The following DLGAP1 variants were observed in gnomAD, a reference collection of about 807,000 sequenced individuals.
The protein encoded by DLGAP1 is disks large-associated protein 1.
DLGAP1 carries 11 observed loss-of-function variants against 90.8 expected under a neutral mutation model. The ratio of observed to expected loss-of-function variants is 0.12; its 90% CI spans 0.08 to 0.20. The LOEUF (loss-of-function observed/expected upper bound fraction) is 0.20. Ranked by LOEUF, DLGAP1 falls within the 10% of genes least tolerant of loss-of-function variation. The pLI, the probability that DLGAP1 is intolerant of heterozygous loss-of-function variation, is 1.00. For missense variants in DLGAP1, 1,050 were observed against 1,333.8 expected, an observed-to-expected ratio of 0.79 and a Z score of 3.31; for synonymous variants, 558 against 540.7, an observed-to-expected ratio of 1.03 and a Z score of -0.44.
At chr18:4,271,226 G>A (rs986620960) in intron 1 of DLGAP1, among the ~76,000 whole-genome samples, 2 of 152,158 alleles carry the variant, frequency 1.3e-5, no homozygotes, top group East Asian at 1.9e-4. Flanking sequence ...GGTCTGTGGT[G>A]AGTAGGCCCC....
rs1007925567 is a variant in DLGAP1, at chr18:4,318,956, T to C, written c.-267+136050A>G. On this transcript the variant is annotated intron_variant, in intron 1 of 12. Coordinates refer to ENST00000315677, the MANE Select transcript of DLGAP1 (RefSeq NM_004746.4). ...ACAAGGTGACTATGGTTCATAACAA[T>C]GTATTATATACCTAAATGTTGCTAT... Among the ~76,000 whole-genome samples, 5 of 152,334 alleles carry C rather than the reference T, an allele frequency of 3.3e-5. No homozygotes were observed. In the East Asian group the frequency reaches 5.8e-4, roughly 18 times the overall value.
chr18:3,822,651 T>C (rs917809180), intron 4 of DLGAP1, among the ~76,000 whole-genome samples: 2 of 152,140 alleles, frequency 1.3e-5, no homozygotes, highest in Non-Finnish European at 2.9e-5. Context: ...CCTTAAAAAT[T>C]GAACATATGT....
chr18:3,534,805 C>T (rs2052244686), intron 9 of DLGAP1, among the ~76,000 whole-genome samples, 190 bp from the exon 10 acceptor site: 1 of 151,562 alleles, frequency 6.6e-6, no homozygotes, highest in South Asian at 2.1e-4. Context: ...GATTCTCCCA[C>T]CTCAGCCTCC....
At chr18:3,874,303 GTCTC>G (rs907955184) in intron 4 of DLGAP1, 17 of 1,542,836 alleles carry the variant, frequency 1.1e-5, no homozygotes, top group Admixed American at 2.0e-5. Flanking sequence ...CGCTCCCTCT[GTCTC>G]TCTCTCTCCA....
At chr18:4,322,604 ACT>A (rs1431557807) in intron 1 of DLGAP1, among the ~76,000 whole-genome samples, 1 of 152,164 alleles carries the variant, frequency 6.6e-6, no homozygotes, top group Non-Finnish European at 1.5e-5. Flanking sequence ...TTTGGATATC[ACT>A]CTCTGAAAGT....
intron 1 of DLGAP1, among the ~76,000 whole-genome samples, chr18:4,251,400 T>C (rs2145197365): frequency 6.6e-6 from 1 of 152,316 alleles, no homozygotes; most frequent in East Asian, 1.9e-4. Flanking sequence ...CAGGCAAGGT[T>C]GGACCACAGG....
intron 3 of DLGAP1, chr18:3,891,937 C>G (rs193114681): frequency 2.0e-3 from 310 of 151,934 alleles, no homozygotes; most frequent in African/African-American, 7.2e-3. Context: ...GATGGGGGGT[C>G]TCACTATGCT....
rs2061607835 is a variant in DLGAP1 at position 3,711,915 on chromosome 18, G to T, written c.1591+17220C>A. 6.6e-6 allele frequency among the ~76,000 whole-genome samples: 1 copy of T among 152,144 alleles called. No homozygotes were observed. On this transcript the variant is annotated intron_variant, in intron 7 of 12. Coordinates refer to ENST00000315677, the MANE Select transcript of DLGAP1 (RefSeq NM_004746.4). This position sits in a 1 kb window ranked among gnomAD's most constrained non-coding sequence, Gnocchi z 4.0. ...AGTATGAGGTTGTGGTTTAGGGATG[G>T]GGAGTGTGGGGATGGGCTGTGGGAA...
intron 1 of DLGAP1, among the ~76,000 whole-genome samples, chr18:4,221,914 A>G (rs1184003825): frequency 1.3e-5 from 2 of 152,152 alleles, no homozygotes; most frequent in African/African-American, 2.4e-5. Context: ...GTTGATCACT[A>G]CCTTCTTTTT....
chr18:4,231,092 C>G (rs1430625818), intron 1 of DLGAP1, among the ~76,000 whole-genome samples: 4 of 151,642 alleles, frequency 2.6e-5, no homozygotes, highest in Admixed American at 6.6e-5. Flanking sequence ...TAGTTTTTTT[C>G]CTTCTTATTT....
At chr18:4,022,584 C>T (rs1342955059) in intron 2 of DLGAP1, among the ~76,000 whole-genome samples, 2 of 152,164 alleles carry the variant, frequency 1.3e-5, no homozygotes, top group Non-Finnish European at 2.9e-5. Context: ...TTGCTTTTTA[C>T]ATTCCATCAT....
chr18:4,405,379 AC>A (rs1256181995), intron 1 of DLGAP1, among the ~76,000 whole-genome samples: 1 of 152,158 alleles, frequency 6.6e-6, no homozygotes, highest in African/African-American at 2.4e-5. Flanking sequence ...TGGAATTCAG[AC>A]ACTACTTTGA....
intron 5 of DLGAP1, among the ~76,000 whole-genome samples, chr18:3,767,791 C>T (rs762344932): frequency 2.0e-5 from 3 of 152,046 alleles, no homozygotes; most frequent in Non-Finnish European, 4.4e-5. Context: ...TAAGGAACAT[C>T]TAAAAAGATC....
Position 3,508,628 on chromosome 18 carries a change from G to A in DLGAP1, c.2513C>T (p.Ala838Val). Residue 838 changes from alanine (A) to valine (V), a missense_variant, in exon 11 of 13, where the codon GCC (alanine) becomes GTC (valine). By Grantham distance (64) the Ala-to-Val change is moderately conservative. Around this residue, in one of 2 missense-constraint regions of DLGAP1, gnomAD observed 565 missense variants for 879.7 expected, o/e 0.64. Coordinates refer to ENST00000315677, the MANE Select transcript of DLGAP1 (RefSeq NM_004746.4). ...GAATTTCTGGGCCATGAGAAGTTGG[G>A]CACTGCCCACTGCGGTTCGGATTTT... is the stretch of plus-strand genomic sequence containing the variant. ...LGKIRTAVGS[A>V]QLLMAQKFYQ... The A allele has an allele frequency of 6.2e-7, 1 of 1,613,786 alleles. No individual in the cohort carries two copies. The highest frequency in any genetic ancestry group is 2.2e-5 in the East Asian group (1 of 44,856).
intron 7 of DLGAP1, among the ~76,000 whole-genome samples, chr18:3,668,906 C>T (rs894555743): frequency 2.0e-5 from 3 of 152,022 alleles, no homozygotes; most frequent in African/African-American, 4.8e-5. Context: ...ATCGTTTGAA[C>T]CTGGGAGGCG....
At chr18:4,209,929 A>G (rs968689984) in intron 1 of DLGAP1, among the ~76,000 whole-genome samples, 6 of 152,196 alleles carry the variant, frequency 3.9e-5, no homozygotes, top group African/African-American at 1.2e-4. Flanking sequence ...CGTTCATTGC[A>G]ATCTGACTTC....
chr18:4,296,120 C>CA (rs2079974519), intron 1 of DLGAP1, among the ~76,000 whole-genome samples: 2 of 152,186 alleles, frequency 1.3e-5, no homozygotes, highest in African/African-American at 4.8e-5. Context: ...ATTCAAGCAA[C>CA]CTTCTATGAA....
chr18:4,315,943 G>T (rs1476482812), intron 1 of DLGAP1, among the ~76,000 whole-genome samples: 2 of 152,162 alleles, frequency 1.3e-5, no homozygotes, highest in East Asian at 3.9e-4. Context: ...TAGGACGGTT[G>T]GGTTTTATCA....
At chr18:4,175,423 T>C (rs2077090645) in intron 1 of DLGAP1, among the ~76,000 whole-genome samples, 1 of 152,220 alleles carries the variant, frequency 6.6e-6, no homozygotes, top group Non-Finnish European at 1.5e-5. Context: ...TCAGTTTAAT[T>C]AGATCCCATT....
Sources: gnomAD v4.1 joint callset for allele counts (sites outside exome capture counted in the v4.1 genomes callset) on GRCh38, gnomAD v4.1.1 for gene constraint, gnomAD v4.1.1 regional missense constraint, Gnocchi (gnomAD v3.1) non-coding constraint, MANE v1.5 for transcripts, NCBI Gene and HGNC (gene_info 2026-07-23, HGNC 2026-07-21) for gene names.